Variants in HNRNPLL observed in about 807,000 individuals in gnomAD.
HNRNPLL encodes the protein heterogeneous nuclear ribonucleoprotein L like, also known as heterogeneous nuclear ribonucleoprotein L-like.
HNRNPLL carries 25 observed loss-of-function variants against 67.1 expected under a neutral mutation model. That is an observed-to-expected ratio of 0.37 (90% CI 0.27 to 0.52). The LOEUF (loss-of-function observed/expected upper bound fraction) is 0.52. HNRNPLL is among the 20% of genes least tolerant of loss of function. The pLI is 0.90. For missense variants in HNRNPLL, 542 were observed against 673.9 expected (o/e 0.80, Z 2.17); for synonymous variants, 267 against 241.7 (o/e 1.10, Z -0.97).
At chr2:38,570,006 A>G in intron 8 of HNRNPLL, 81 bp from the exon 9 acceptor site, 1 of 924,044 alleles carries the variant, frequency 1.1e-6, no homozygotes, top group East Asian at 2.6e-5. Context: ...ATACGACCTA[A>G]GTGGTTAAAG....
chr2:38,593,347 G>A (rs1482789042), intron 1 of HNRNPLL, among the ~76,000 whole-genome samples: 1 of 152,182 alleles, frequency 6.6e-6, no homozygotes, highest in Non-Finnish European at 1.5e-5. Flanking sequence ...AGCAGGAAGA[G>A]CTCTAAATAA....
intron 1 of HNRNPLL, among the ~76,000 whole-genome samples, chr2:38,592,218 G>A (rs1248624902): frequency 6.6e-6 from 1 of 152,094 alleles, no homozygotes; most frequent in Non-Finnish European, 1.5e-5. Context: ...GAAAATCTCA[G>A]AAAGAAAATT....
chr2:38,590,505 A>G (rs1278908756), intron 2 of HNRNPLL, among the ~76,000 whole-genome samples: 2 of 152,218 alleles, frequency 1.3e-5, no homozygotes, highest in Non-Finnish European at 2.9e-5. Context: ...AATCAACGCT[A>G]GATTATCTAT....
At chr2:38,588,545 T>TAAAAAAA (rs1666823356) in intron 2 of HNRNPLL, among the ~76,000 whole-genome samples, 2 of 31,586 alleles carry the variant, frequency 6.3e-5, no homozygotes, top group Non-Finnish European at 9.7e-5. Context: ...AAACTCCATC[T>TAAAAAAA]CAAAAAAAAA....
chr2:38,598,694 G>C (rs777730863), intron 1 of HNRNPLL, among the ~76,000 whole-genome samples: 4 of 152,246 alleles, frequency 2.6e-5, no homozygotes, highest in Non-Finnish European at 5.9e-5. Context: ...AAGTGAAAAA[G>C]TTTGTAAGCA....
At chr2:38,598,246 A>C (rs2148390493) in intron 1 of HNRNPLL, among the ~76,000 whole-genome samples, 1 of 152,294 alleles carries the variant, frequency 6.6e-6, no homozygotes, top group Middle Eastern at 3.4e-3. Flanking sequence ...AAGAAGGGAT[A>C]AATACGGGCT....
chr2:38,568,610 A>C (rs1240670758), intron 10 of HNRNPLL, among the ~76,000 whole-genome samples, 167 bp from the exon 11 acceptor site: 1 of 152,200 alleles, frequency 6.6e-6, no homozygotes, highest in East Asian at 1.9e-4. Context: ...AATCAATTAA[A>C]AACAGTAAAA....
At chr2:38,602,269 G>T (rs1358098898) in intron 1 of HNRNPLL, 169 bp downstream of exon 1, 13 of 620,624 alleles carry the variant, frequency 2.1e-5, no homozygotes, top group South Asian at 4.4e-5. Context: ...CGGGATGCGG[G>T]AAACAGGTAG....
chr2:38,594,372 A>G (rs1227186993), intron 1 of HNRNPLL, among the ~76,000 whole-genome samples: 3 of 152,192 alleles, frequency 2.0e-5, no homozygotes, highest in Admixed American at 2.0e-4. Context: ...GTTATGTAAG[A>G]GAATACCCTT....
intron 1 of HNRNPLL, among the ~76,000 whole-genome samples, chr2:38,597,983 G>A (rs1864829): frequency 0.12 from 18,335 of 151,972 alleles, 1,186 homozygotes; most frequent in African/African-American, 0.14. Flanking sequence ...CACCGTGCCC[G>A]GCCAAGTCAA....
At position 38,572,069 on chromosome 2, in the gene HNRNPLL, T is replaced by A. The variant is rs114194514; in HGVS notation, c.1092+1141A>T. ...GCCCATTTAATTATCAAACATGCAT[T>A]CCCTCCACTTAACACTTGGGCCTAA... On this transcript the variant is annotated intron_variant, in intron 8 of 12. Transcript: ENST00000449105. 3.0e-3 allele frequency among the ~76,000 whole-genome samples: 462 copies of A among 152,222 alleles called. 5 individuals are homozygous for A. The highest frequency in any genetic ancestry group is 0.011 in the African/African-American group (441 of 41,558).
chr2:38,595,592 GC>G (rs1002121056), intron 1 of HNRNPLL, among the ~76,000 whole-genome samples: 4 of 152,118 alleles, frequency 2.6e-5, no homozygotes, highest in African/African-American at 9.7e-5. Flanking sequence ...CGCCTGTAAT[GC>G]CAGCCCTTTG....
intron 4 of HNRNPLL, among the ~76,000 whole-genome samples, chr2:38,582,833 T>G (rs1234621148): frequency 6.7e-6 from 1 of 148,584 alleles, no homozygotes; most frequent in Admixed American, 6.7e-5. Flanking sequence ...GACACGGGAA[T>G]CACTTGACCA....
At chr2:38,565,727 CAAAAAAAAAAAAAAA>C (rs200356084) in intron 12 of HNRNPLL, among the ~76,000 whole-genome samples, 3 of 73,300 alleles carry the variant, frequency 4.1e-5, no homozygotes, top group Non-Finnish European at 5.3e-5. Flanking sequence ...GACCCTGTCT[CAAAAAAAAAAAAAAA>C]AAAAAAAAAA....
rs140406398 is a variant in HNRNPLL, at chr2:38,585,863, T to C, written c.327A>G (p.Pro109=). ...FGTICYVMMM[P]FKRQALVEFE... ...ATTCCACTAGAGCCTGTCGTTTAAATGGCATCATCATCACATAGCTGAAAA... is the reference window on the plus strand; with the variant it reads ...ATTCCACTAGAGCCTGTCGTTTAAACGGCATCATCATCACATAGCTGAAAA... Residue 109 remains proline, a synonymous_variant, in exon 3 of 13, where the codon CCA becomes CCG. Transcript: ENST00000449105. 5.0e-6 allele frequency: 8 copies of C among 1,608,000 alleles called. No homozygotes were observed. Among genetic ancestry groups the C allele is most frequent in the African/African-American group, 2.7e-5 (2 of 74,828 alleles).
intron 12 of HNRNPLL, among the ~76,000 whole-genome samples, chr2:38,564,636 A>T (rs1290389606): frequency 1.3e-5 from 2 of 151,352 alleles, no homozygotes; most frequent in Non-Finnish European, 2.9e-5. Flanking sequence ...AAAAAAAAAA[A>T]AGTAAAATTT....
chr2:38,579,638 A>AG (rs1489680808), intron 6 of HNRNPLL, among the ~76,000 whole-genome samples: 2 of 151,914 alleles, frequency 1.3e-5, no homozygotes, highest in Admixed American at 6.6e-5. Flanking sequence ...AGATTTCTGG[A>AG]GGGGTTCCCT....
chr2:38,571,150 A>C (rs1314781657), intron 8 of HNRNPLL, among the ~76,000 whole-genome samples: 2 of 152,230 alleles, frequency 1.3e-5, no homozygotes, highest in Non-Finnish European at 2.9e-5. Context: ...ATATATAAGC[A>C]TAGCATATAT....
intron 1 of HNRNPLL, among the ~76,000 whole-genome samples, chr2:38,593,983 G>A (rs1366293869): frequency 6.6e-6 from 1 of 152,112 alleles, no homozygotes; most frequent in Non-Finnish European, 1.5e-5. Context: ...GACCACCCTG[G>A]CTAACACGGT....
Sources: gnomAD v4.1 joint callset for allele counts (sites outside exome capture counted in the v4.1 genomes callset) on GRCh38, gnomAD v4.1.1 for gene constraint, MANE v1.5 for transcripts, NCBI Gene and HGNC (gene_info 2026-07-23, HGNC 2026-07-21) for gene names.